The following SDC1 variants were observed in gnomAD, a reference collection of about 807,000 sequenced individuals.
SDC1 encodes the protein syndecan 1, also known as syndecan-1.
In SDC1, 14 loss-of-function variants were observed where a neutral mutation model predicts 29.7. That is an observed-to-expected ratio of 0.47 (90% confidence interval 0.31 to 0.74). The LOEUF is 0.74. Among genes scored for constraint, SDC1 ranks in the 30% least tolerant of loss-of-function variants. The pLI, the probability that SDC1 is intolerant of heterozygous loss-of-function variation, is 0.05. For missense variants in SDC1, 406 were observed against 400.3 expected, an observed-to-expected ratio of 1.01 and a Z score of -0.12; for synonymous variants, 204 against 175.5, an observed-to-expected ratio of 1.16 and a Z score of -1.29.
At chr2:20,205,292 G>T (rs763184929) in intron 2 of SDC1, 51 bp downstream of exon 2, 5 of 1,390,226 alleles carry the variant, frequency 3.6e-6, no homozygotes, top group Non-Finnish European at 5.1e-6. Flanking sequence ...ACTGCCCACA[G>T]GCATGACCTG....
chr2:20,219,572 G>A (rs1042985785), intron 1 of SDC1, among the ~76,000 whole-genome samples: 4 of 152,194 alleles, frequency 2.6e-5, no homozygotes, highest in Non-Finnish European at 4.4e-5. Flanking sequence ...GTCAGGGCAC[G>A]CATGTCCCAT....
At chr2:20,203,013 T>G in intron 4 of SDC1, 74 bp downstream of exon 4, 1 of 1,565,986 alleles carries the variant, frequency 6.4e-7, no homozygotes, top group South Asian at 1.2e-5. Context: ...AGCAGTGGCC[T>G]TGGCTGTGGT....
intron 1 of SDC1, among the ~76,000 whole-genome samples, chr2:20,206,649 T>C (rs1301081518): frequency 2.0e-5 from 3 of 152,168 alleles, no homozygotes; most frequent in South Asian, 4.1e-4. Flanking sequence ...TGAAAAAATA[T>C]GCAGAACAGC....
chr2:20,211,619 C>T (rs1235873819), intron 1 of SDC1, among the ~76,000 whole-genome samples: 4 of 152,234 alleles, frequency 2.6e-5, no homozygotes, highest in African/African-American at 4.8e-5. Context: ...TCCCACCAGC[C>T]GGCCCGGCTG....
At chr2:20,210,151 G>C (rs891791978) in intron 1 of SDC1, among the ~76,000 whole-genome samples, 2 of 152,218 alleles carry the variant, frequency 1.3e-5, no homozygotes, top group African/African-American at 4.8e-5. Context: ...AAACCAGCCT[G>C]GCCAACATGG....
chr2:20,202,605 C>G lies in SDC1; in HGVS notation c.*161G>C. On this transcript the variant is annotated 3_prime_UTR_variant, in exon 5 of 5. Coordinates refer to ENST00000254351, the MANE Select transcript of SDC1 (RefSeq NM_002997.5). ...GAAGTCAGAGAAGCAGAGTGGAGCT[C>G]CCAGCACACCCCACGACTCCGTGGG... is the stretch of plus-strand genomic sequence containing the variant. The G allele has an allele frequency of 1.4e-6, 1 of 710,398 alleles. No individual in the cohort carries two copies. Among genetic ancestry groups the G allele is most frequent in the Non-Finnish European group, 2.4e-6 (1 of 417,664 alleles). The allele number at this position is 710,398 out of a possible 1,614,324, so 44.0% of individuals were successfully genotyped here.
chr2:20,224,783 G>T lies in SDC1; in HGVS notation c.66+19C>A, dbSNP rs1371253419. On this transcript the variant is annotated intron_variant, in intron 1 of 4. Coordinates refer to ENST00000254351, the MANE Select transcript of SDC1 (RefSeq NM_002997.5). The surrounding 1 kb of genome is among the most constrained non-coding windows in gnomAD (Gnocchi z 4.9). ...CCGGCTTCCCGCCGCCTCCCCGCCT[G>T]GCCGCCGGCCGCACTCACCGGCAGG... is the stretch of plus-strand genomic sequence containing the variant. 2.3e-6 allele frequency: 3 copies of T among 1,305,848 alleles called. No homozygotes were observed. The African/African-American group carries it at 4.6e-5, about 20-fold the overall frequency. 80.9% of individuals were successfully genotyped at this position (1,305,848 alleles called of 1,614,324 possible). A position where few individuals can be genotyped will look rare whatever the true frequency, so the allele number is the denominator to read the frequency against.
chr2:20,223,768 G>A (rs911008706), intron 1 of SDC1, among the ~76,000 whole-genome samples: 2 of 152,244 alleles, frequency 1.3e-5, no homozygotes, highest in Admixed American at 6.5e-5. Context: ...GGGAAGGCGG[G>A]CTAGCGGCCG....
chr2:20,223,347 G>A (rs1482110810), intron 1 of SDC1: 3 of 1,231,508 alleles, frequency 2.4e-6, no homozygotes, highest in Non-Finnish European at 3.2e-6. Flanking sequence ...GCTTACGGAG[G>A]GTCAGCGCTG....
chr2:20,203,258 T>C, intron 3 of SDC1, 36 bp from the exon 4 acceptor site: 2 of 1,572,420 alleles, frequency 1.3e-6, no homozygotes, highest in Non-Finnish European at 1.7e-6. Context: ...GTTGGCCAGG[T>C]CACCGCCAGC....
chr2:20,203,502 T>C (rs548754845), intron 3 of SDC1, among the ~76,000 whole-genome samples: 1 of 152,348 alleles, frequency 6.6e-6, no homozygotes, highest in Non-Finnish European at 1.5e-5. Flanking sequence ...AAGCGTAAAA[T>C]TCCCACGAAG....
Position 20,224,098 on chromosome 2 carries a change from A to G in SDC1, c.66+704T>C. ...GAACGCGCCCTCCGGGGCCAGCTCA[A>G]CTTCAGCAGCCCAGAAGTTGGGCTC... On this transcript the variant is annotated intron_variant, in intron 1 of 4. Transcript: ENST00000254351. This position sits in a 1 kb window ranked among gnomAD's most constrained non-coding sequence, Gnocchi z 4.9. 2 of 376,316 alleles carry G rather than the reference A, an allele frequency of 5.3e-6. No homozygotes were observed. Among genetic ancestry groups the G allele is most frequent in the Non-Finnish European group, 1.1e-5 (2 of 185,286 alleles). 23.3% of individuals were successfully genotyped at this position (376,316 alleles called of 1,614,324 possible).
Position 20,224,782 on chromosome 2 carries a change from T to C in SDC1, c.66+20A>G. On this transcript the variant is annotated intron_variant, in intron 1 of 4. Coordinates refer to ENST00000254351, the MANE Select transcript of SDC1 (RefSeq NM_002997.5). This position sits in a 1 kb window ranked among gnomAD's most constrained non-coding sequence, Gnocchi z 4.9. Reference sequence around the variant, plus strand: ...CCCGGCTTCCCGCCGCCTCCCCGCCTGGCCGCCGGCCGCACTCACCGGCAG... The same window carrying C: ...CCCGGCTTCCCGCCGCCTCCCCGCCCGGCCGCCGGCCGCACTCACCGGCAG... The C allele has an allele frequency of 2.3e-6, 3 of 1,305,758 alleles. No homozygotes were observed. Among genetic ancestry groups the C allele is most frequent in the Non-Finnish European group, 2.9e-6 (3 of 1,026,582 alleles). 80.9% of individuals were successfully genotyped at this position (1,305,758 alleles called of 1,614,324 possible).
chr2:20,212,101 G>GC (rs3836123), intron 1 of SDC1, among the ~76,000 whole-genome samples: 57,727 of 152,014 alleles, frequency 0.38, 11,274 homozygotes, highest in Middle Eastern at 0.45. Context: ...GGCTGGCCCC[G>GC]CGGCTTTAGC....
chr2:20,208,133 A>G (rs778867404), intron 1 of SDC1: 147 of 985,272 alleles, frequency 1.5e-4, no homozygotes, highest in Non-Finnish European at 1.7e-4. Flanking sequence ...CAATGAGGCA[A>G]CCGAAGCCCA....
At chr2:20,215,521 C>T (rs543521145) in intron 1 of SDC1, among the ~76,000 whole-genome samples, 1 of 152,364 alleles carries the variant, frequency 6.6e-6, no homozygotes, top group East Asian at 1.9e-4. Flanking sequence ...GCCATTCACA[C>T]AGAGTGACTC....
rs1396249323 is a variant in SDC1 at position 20,203,813 on chromosome 2, C to T, written c.627G>A (p.Gln209=). ...QLPAAEGSGE[Q]DFTFETSGEN... is the part of the protein sequence containing the mutation. ...CCCAAGGAATGCAGAGGCCACTCAC[C>T]TGCTCCCCAGAGCCCTCTGCTGCTG... The change falls in exon 3 of 5, where the codon CAG becomes CAA. Residue 209 remains glutamine, a splice_region_variant and synonymous_variant. Transcript: ENST00000254351. The T allele has an allele frequency of 1.9e-6, 3 of 1,575,560 alleles. No individual in the cohort carries two copies. The East Asian group carries it at 6.7e-5, about 35-fold the overall frequency.
At chr2:20,207,889 C>G in intron 1 of SDC1, 4 of 930,916 alleles carry the variant, frequency 4.3e-6, no homozygotes, top group Non-Finnish European at 5.1e-6. Flanking sequence ...TACTGCCCAC[C>G]GGGGGATCAC....
chr2:20,207,442 T>G (rs1437159368), intron 1 of SDC1: 3 of 980,156 alleles, frequency 3.1e-6, no homozygotes, highest in Non-Finnish European at 3.6e-6. Flanking sequence ...ACTTGACTGG[T>G]GCAGTGGCTC....
Sources: gnomAD v4.1 joint callset for allele counts (sites outside exome capture counted in the v4.1 genomes callset) on GRCh38, gnomAD v4.1.1 for gene constraint, Gnocchi (gnomAD v3.1) non-coding constraint, MANE v1.5 for transcripts, NCBI Gene and HGNC (gene_info 2026-07-23, HGNC 2026-07-21) for gene names.